Variants in OPCML observed in about 807,000 individuals in gnomAD.
OPCML encodes the protein opioid-binding protein/cell adhesion molecule.
In OPCML, 13 loss-of-function variants were observed where a neutral mutation model predicts 37.8. The ratio of observed to expected loss-of-function variants is 0.34; its 90% confidence interval spans 0.22 to 0.55. OPCML has a LOEUF of 0.55. Ranked by LOEUF, OPCML falls within the 20% of genes least tolerant of loss-of-function variation. OPCML has a pLI of 0.91. For missense variants in OPCML, 341 were observed against 435.6 expected (o/e 0.78, Z 1.93); for synonymous variants, 176 against 168.8 (o/e 1.04, Z -0.33).
At chr11:133,090,516 G>A (rs1160442814) in intron 1 of OPCML, among the ~76,000 whole-genome samples, 1 of 152,176 alleles carries the variant, frequency 6.6e-6, no homozygotes, top group East Asian at 1.9e-4. Context: ...TGAGGTCTTA[G>A]GTGGAGACGA....
At position 132,775,650 on chromosome 11, in the gene OPCML, C is replaced by T. The variant is rs2136134739; in HGVS notation, c.147-118331G>A. On this transcript the variant is annotated intron_variant, in intron 2 of 7. Transcript: ENST00000524381. The stretch of plus-strand genomic sequence containing the variant: ...GATGTCCTCCCACTGAAGTTTCTTT[C>T]ACCATCCATGTTGCTGCTCCTTAGC... Among the ~76,000 whole-genome samples the T allele has an allele frequency of 1.3e-5, 2 of 152,300 alleles. 1 individual carries two copies. The highest frequency in any genetic ancestry group is 3.9e-4 in the East Asian group (2 of 5,176).
chr11:133,125,654 A>G (rs1377062737), intron 1 of OPCML, among the ~76,000 whole-genome samples: 3 of 101,402 alleles, frequency 3.0e-5, no homozygotes, highest in Non-Finnish European at 6.7e-5. Context: ...ATGTGTCTAT[A>G]TATACATGTA....
At chr11:132,472,569 G>A (rs975418924) in intron 4 of OPCML, among the ~76,000 whole-genome samples, 6 of 152,172 alleles carry the variant, frequency 3.9e-5, no homozygotes, top group Non-Finnish European at 8.8e-5. Flanking sequence ...CTGTAATTCT[G>A]CCTGTAAAAG....
chr11:132,520,215 C>A (rs7944266), intron 4 of OPCML, among the ~76,000 whole-genome samples: 1 of 152,124 alleles, frequency 6.6e-6, no homozygotes, highest in African/African-American at 2.4e-5. Flanking sequence ...TTCAATATAT[C>A]ATTTTACATT....
chr11:132,785,726 C>G (rs1175695202), intron 2 of OPCML, among the ~76,000 whole-genome samples: 1 of 152,152 alleles, frequency 6.6e-6, no homozygotes. Context: ...AGGACCCACT[C>G]CAGACCTCTG....
chr11:133,299,444 C>A (rs1302890337), intron 1 of OPCML: 1 of 152,200 alleles, frequency 6.6e-6, no homozygotes, highest in South Asian at 2.1e-4. Context: ...TGGGCAGACA[C>A]CTAATTTCTT....
intron 2 of OPCML, among the ~76,000 whole-genome samples, chr11:132,836,510 T>C (rs1177397348): frequency 1.3e-5 from 2 of 152,204 alleles, no homozygotes; most frequent in African/African-American, 4.8e-5. Flanking sequence ...TTACAACTTT[T>C]AGGGGAACCG....
intron 1 of OPCML, among the ~76,000 whole-genome samples, chr11:133,510,179 C>G (rs1948124212): frequency 6.6e-6 from 1 of 152,174 alleles, no homozygotes; most frequent in African/African-American, 2.4e-5. Flanking sequence ...CCAGGCTGCC[C>G]CTGGACCACC....
chr11:133,120,918 C>G (rs1373123707), intron 1 of OPCML, among the ~76,000 whole-genome samples: 1 of 152,036 alleles, frequency 6.6e-6, no homozygotes, highest in East Asian at 1.9e-4. Flanking sequence ...TCACTAAACA[C>G]CCCATCATAT....
chr11:132,905,754 T>C (rs953053007), intron 2 of OPCML, among the ~76,000 whole-genome samples: 2 of 152,134 alleles, frequency 1.3e-5, no homozygotes, highest in African/African-American at 4.8e-5. Context: ...AAATCCTAGT[T>C]CCAGCATTTT....
chr11:133,372,835 G>C (rs1944702596), intron 1 of OPCML, among the ~76,000 whole-genome samples: 1 of 152,110 alleles, frequency 6.6e-6, no homozygotes, highest in African/African-American at 2.4e-5. Flanking sequence ...CCATTCTCAG[G>C]TATCTCTTGC....
chr11:133,036,579 C>T (rs1000781970), intron 1 of OPCML, among the ~76,000 whole-genome samples: 2 of 152,172 alleles, frequency 1.3e-5, no homozygotes, highest in Non-Finnish European at 2.9e-5. Flanking sequence ...CTGTACTTGG[C>T]CCTGTTGTAT....
chr11:132,692,321 G>A (rs561073598), intron 2 of OPCML, among the ~76,000 whole-genome samples: 1 of 152,144 alleles, frequency 6.6e-6, no homozygotes, highest in Non-Finnish European at 1.5e-5. Context: ...TAAAATGAGT[G>A]CTGTAATTAG....
chr11:132,596,556 A>G (rs2096492789), intron 3 of OPCML, among the ~76,000 whole-genome samples: 1 of 152,126 alleles, frequency 6.6e-6, no homozygotes, highest in Non-Finnish European at 1.5e-5. Flanking sequence ...CTAGAGCAAA[A>G]ACCTCTAAGG....
chr11:133,368,757 T>C (rs1424617812), intron 1 of OPCML, among the ~76,000 whole-genome samples: 1 of 152,210 alleles, frequency 6.6e-6, no homozygotes, highest in African/African-American at 2.4e-5. Context: ...AAACTCATTC[T>C]GAAAATAAGA....
chr11:132,783,810 G>GA (rs1417221687), intron 2 of OPCML, among the ~76,000 whole-genome samples: 1 of 152,074 alleles, frequency 6.6e-6, no homozygotes, highest in Non-Finnish European at 1.5e-5. Flanking sequence ...CCTCGTGGGA[G>GA]AAAAAACATC....
intron 2 of OPCML, among the ~76,000 whole-genome samples, chr11:132,794,318 C>A (rs933711233): frequency 1.3e-5 from 2 of 152,180 alleles, no homozygotes. Flanking sequence ...TTTGTGTACA[C>A]TGAACATCTG....
chr11:132,633,262 G>A (rs1276187445), intron 3 of OPCML, among the ~76,000 whole-genome samples: 1 of 152,106 alleles, frequency 6.6e-6, no homozygotes, highest in Non-Finnish European at 1.5e-5. Context: ...GAGTTCAGTG[G>A]TGTGATCTCG....
intron 2 of OPCML, among the ~76,000 whole-genome samples, chr11:132,781,385 T>C (rs1180989164): frequency 1.3e-5 from 2 of 151,886 alleles, no homozygotes; most frequent in Non-Finnish European, 2.9e-5. Context: ...TTTTCTTGCT[T>C]TTGGACTTGA....
Sources: gnomAD v4.1 joint callset for allele counts (sites outside exome capture counted in the v4.1 genomes callset) on GRCh38, gnomAD v4.1.1 for gene constraint, MANE v1.5 for transcripts, NCBI Gene and HGNC (gene_info 2026-07-23, HGNC 2026-07-21) for gene names.